The following C6 variants were observed in gnomAD, a reference collection of about 807,000 sequenced individuals.
C6 encodes complement C6.
In C6, 101 loss-of-function variants were observed where a neutral mutation model predicts 112.9. The observed-to-expected ratio is 0.89, with a 90% CI of 0.76 to 1.06. C6 has a LOEUF of 1.06. Among genes scored for constraint, C6 ranks in the 50% least tolerant of loss-of-function variants. C6 has a pLI of 0.00. For missense variants in C6, 1,202 were observed against 1,104.6 expected (o/e 1.09, Z -1.25); for synonymous variants, 431 against 384.1 (o/e 1.12, Z -1.43).
intron 3 of C6, among the ~76,000 whole-genome samples, chr5:41,200,467 A>G (rs1426064612): frequency 6.6e-6 from 1 of 152,206 alleles, no homozygotes; most frequent in South Asian, 2.1e-4. Context: ...AATTCAATTT[A>G]TTAATTAATG....
rs769750913 is a variant in C6 at position 41,193,203 on chromosome 5, G to T, written c.587+2589C>A. Among the ~76,000 whole-genome samples the T allele has an allele frequency of 2.6e-5, 4 of 152,142 alleles. No homozygotes were observed. In the East Asian group the frequency reaches 7.7e-4, roughly 29 times the overall value. On this transcript the variant is annotated intron_variant, in intron 5 of 17. Transcript: ENST00000337836. ...TTATGTTTGTCACAAGCAAAAAAGG[G>T]CTTGAGAAAAATGGCTCTCAGGTCA...
chr5:41,155,186 A>G, intron 13 of C6, 82 bp from the exon 14 acceptor site: 3 of 1,326,096 alleles, frequency 2.3e-6, no homozygotes, highest in South Asian at 2.4e-5. Context: ...GATCCTTTCT[A>G]TCCTTCACTT....
At chr5:41,181,697 G>A in intron 6 of C6, 138 bp from the exon 7 acceptor site, 2 of 753,380 alleles carry the variant, frequency 2.7e-6, no homozygotes, top group Non-Finnish European at 4.4e-6. Flanking sequence ...AGAGAACAAA[G>A]AATAGTGTTA....
rs1448545637 is a variant in C6, at chr5:41,159,252, A to G, written c.1686T>C (p.Asn562=). 4 of 1,612,774 alleles carry G rather than the reference A, an allele frequency of 2.5e-6. No homozygotes were observed. The African/African-American group carries it at 4.0e-5, about 16-fold the overall frequency. ...CEKQSPDYKS[N]AVDGQWGCWS... The stretch of plus-strand genomic sequence containing the variant: ...AACAACCCCACTGTCCGTCTACTGC[A>G]TCTGGAACAAAGGAAGACTCACTCC... The change falls in exon 12 of 18, where the codon AAT becomes AAC. Residue 562 remains asparagine (N), a splice_region_variant and synonymous_variant. Transcript: ENST00000337836.
In C6 at chr5:41,186,385, C is replaced by A. The variant is rs559451806; in HGVS notation, c.588-177G>T. On this transcript the variant is annotated intron_variant, in intron 5 of 17. Transcript: ENST00000337836. ...GTCCATGGTGAGGCATGCAAGGAAG[C>A]TGGAAAGCCCAAACTCAGCTTCTCT... The A allele has an allele frequency of 3.7e-5, 24 of 643,740 alleles. No individual in the cohort carries two copies. The East Asian group carries it at 5.3e-4, about 14-fold the overall frequency. 39.9% of individuals were successfully genotyped at this position (643,740 alleles called of 1,614,324 possible). A position where few individuals can be genotyped will look rare whatever the true frequency, so the allele number is the denominator to read the frequency against.
At chr5:41,236,951 C>T (rs949775761) in intron 1 of C6, among the ~76,000 whole-genome samples, 10 of 151,676 alleles carry the variant, frequency 6.6e-5, no homozygotes, top group African/African-American at 2.4e-4. Context: ...ACAAACACCT[C>T]TATGCAAATA....
At chr5:41,161,629 T>G in intron 10 of C6, 64 bp downstream of exon 10, 2 of 1,229,728 alleles carry the variant, frequency 1.6e-6, no homozygotes, top group Non-Finnish European at 2.4e-6. Context: ...AATTGTGTGA[T>G]GTGCAATTTG....
chr5:41,152,545 A>G (rs1047427504), intron 15 of C6, among the ~76,000 whole-genome samples: 7 of 152,186 alleles, frequency 4.6e-5, no homozygotes, highest in African/African-American at 1.7e-4. Context: ...AGAAGGTTTG[A>G]TAAGGAAAGG....
At chr5:41,245,674 A>G (rs1185476203) in intron 1 of C6, among the ~76,000 whole-genome samples, 1 of 152,210 alleles carries the variant, frequency 6.6e-6, no homozygotes, top group East Asian at 1.9e-4. Flanking sequence ...CTTTTCCTTC[A>G]TCAGTTGAGA....
At chr5:41,247,580 T>C (rs1158062197) in intron 1 of C6, among the ~76,000 whole-genome samples, 1 of 151,716 alleles carries the variant, frequency 6.6e-6, no homozygotes, top group Admixed American at 6.6e-5. Flanking sequence ...TAGCTGGGCA[T>C]TGTGGCGGGC....
At chr5:41,187,469 G>T (rs1285138017) in intron 5 of C6, among the ~76,000 whole-genome samples, 1 of 152,058 alleles carries the variant, frequency 6.6e-6, no homozygotes, top group South Asian at 2.1e-4. Context: ...GTTCACTATG[G>T]GAGGCTTTTG....
chr5:41,181,420 C>G lies in C6; in HGVS notation c.866G>C (p.Arg289Thr). 6.2e-7 allele frequency: 1 copy of G among 1,613,734 alleles called. No homozygotes were observed. ...FSVPIFYSSK[R>T]SENINHNSAF... Reference sequence around the variant, plus strand: ...AGAATTATGGTTGATATTTTCACTTCTCTTTGAGGAATAAAAAATTGGTAC... The same window carrying G: ...AGAATTATGGTTGATATTTTCACTTGTCTTTGAGGAATAAAAAATTGGTAC... Residue 289 changes from arginine (R) to threonine (T), a missense_variant, in exon 7 of 18, where the codon AGA becomes ACA. By Grantham distance (71) the Arg-to-Thr change is moderately conservative. Transcript: ENST00000337836.
intron 1 of C6, among the ~76,000 whole-genome samples, chr5:41,238,483 G>A (rs1027525440): frequency 1.3e-5 from 2 of 152,100 alleles, no homozygotes; most frequent in South Asian, 2.1e-4. Context: ...TTTAACCCAG[G>A]CGAAGAGGAG....
chr5:41,233,864 T>C (rs1308605517), intron 1 of C6, among the ~76,000 whole-genome samples: 1 of 152,114 alleles, frequency 6.6e-6, no homozygotes, highest in African/African-American at 2.4e-5. Context: ...ATTTACAGTT[T>C]ATTTAGTTCT....
chr5:41,203,734 AC>A, intron 1 of C6: 1 of 176,150 alleles, frequency 5.7e-6, no homozygotes, highest in Non-Finnish European at 1.2e-5. Context: ...GAGAACGTTC[AC>A]TGACTCCATA....
intron 1 of C6, among the ~76,000 whole-genome samples, chr5:41,240,068 T>C (rs1033858259): frequency 2.0e-5 from 3 of 152,194 alleles, no homozygotes; most frequent in Non-Finnish European, 2.9e-5. Context: ...AGTTTGACTA[T>C]AATGTGTTAG....
chr5:41,191,492 T>C (rs1750210776), intron 5 of C6, among the ~76,000 whole-genome samples: 2 of 152,212 alleles, frequency 1.3e-5, no homozygotes, highest in African/African-American at 4.8e-5. Context: ...AATTTGTAGA[T>C]TGCTTCGGGC....
chr5:41,210,031 G>A lies in C6; in HGVS notation c.-21+3345C>T, dbSNP rs190252821. ...TACCAAAACAGAGATATAGACCAAT[G>A]GAACAGAACAGAGCCCTCAGAAATA... is the stretch of plus-strand genomic sequence containing the variant. On this transcript the variant is annotated intron_variant, in intron 1 of 17. Coordinates refer to ENST00000337836, the MANE Select transcript of C6 (RefSeq NM_000065.5). Among the ~76,000 whole-genome samples the A allele has an allele frequency of 5.3e-3, 812 of 152,218 alleles. 2 individuals are homozygous for A. Among genetic ancestry groups the A allele is most frequent in the South Asian group, 0.011 (54 of 4,824 alleles).
At chr5:41,178,114 C>T (rs1429144095) in intron 7 of C6, among the ~76,000 whole-genome samples, 1 of 152,048 alleles carries the variant, frequency 6.6e-6, no homozygotes, top group East Asian at 1.9e-4. Context: ...TTCATGATAC[C>T]TGAAACTGGC....
Sources: gnomAD v4.1 joint callset for allele counts (sites outside exome capture counted in the v4.1 genomes callset) on GRCh38, gnomAD v4.1.1 for gene constraint, MANE v1.5 for transcripts, NCBI Gene and HGNC (gene_info 2026-07-23, HGNC 2026-07-21) for gene names.